The following NALF1 variants were observed in gnomAD, a reference collection of about 807,000 sequenced individuals.
NALF1 encodes the protein family with sequence similarity 155 member A.
NALF1 carries 3 observed loss-of-function variants against 48.4 expected under a neutral mutation model. The ratio of observed to expected loss-of-function variants is 0.06; its 90% CI spans 0.03 to 0.16. NALF1 has a LOEUF of 0.16. Among genes scored for constraint, NALF1 ranks in the 10% least tolerant of loss-of-function variants. The pLI, the probability that NALF1 is intolerant of heterozygous loss-of-function variation, is 1.00. For synonymous variants in NALF1, 262 were observed against 245.7 expected (o/e 1.07, Z -0.62); for missense variants, 526 against 571.5 (o/e 0.92, Z 0.81).
chr13:107,176,670 C>T (rs1002776920), intron 2 of NALF1, among the ~76,000 whole-genome samples: 2 of 151,530 alleles, frequency 1.3e-5, no homozygotes, highest in African/African-American at 2.4e-5. Flanking sequence ...AATAATAATA[C>T]GCATAAATTG....
chr13:107,354,309 T>G (rs917579199), intron 1 of NALF1, among the ~76,000 whole-genome samples: 1 of 151,914 alleles, frequency 6.6e-6, no homozygotes, highest in Non-Finnish European at 1.5e-5. Flanking sequence ...AGAGGTGGTA[T>G]TGGGGACCCT....
At position 107,763,280 on chromosome 13, in the gene NALF1, C is replaced by T. The variant is rs1877317941; in HGVS notation, c.915+102402G>A. On this transcript the variant is annotated intron_variant, in intron 1 of 2. Coordinates refer to ENST00000375915, the MANE Select transcript of NALF1 (RefSeq NM_001080396.3). ...CCCCAAGAATTAGTCACCAATCAAA[C>T]TTTAATGGGTAAAAATAGCGACTCC... 2.0e-5 allele frequency among the ~76,000 whole-genome samples: 3 copies of T among 151,292 alleles called. No homozygotes were observed. The South Asian group carries it at 6.5e-4, about 33-fold the overall frequency.
At chr13:107,616,065 C>G (rs1471340922) in intron 1 of NALF1, among the ~76,000 whole-genome samples, 5 of 152,058 alleles carry the variant, frequency 3.3e-5, no homozygotes, top group African/African-American at 1.2e-4. Context: ...ATAAATGACA[C>G]CACCTCTCTT....
At chr13:107,247,711 G>C (rs1484500338) in intron 1 of NALF1, among the ~76,000 whole-genome samples, 1 of 152,172 alleles carries the variant, frequency 6.6e-6, no homozygotes, top group Non-Finnish European at 1.5e-5. Flanking sequence ...GTAGCAAACA[G>C]AAAGTAATGA....
chr13:107,814,726 A>G (rs1385889319), intron 1 of NALF1, among the ~76,000 whole-genome samples: 1 of 152,198 alleles, frequency 6.6e-6, no homozygotes, highest in Non-Finnish European at 1.5e-5. Context: ...TAATTCAAAA[A>G]CAATAATTGG....
chr13:107,348,721 T>C (rs1469054017), intron 1 of NALF1, among the ~76,000 whole-genome samples: 1 of 152,208 alleles, frequency 6.6e-6, no homozygotes, highest in Non-Finnish European at 1.5e-5. Context: ...TCTCATTTAG[T>C]GACAAGTCAT....
chr13:107,693,685 C>A (rs1030793650), intron 1 of NALF1, among the ~76,000 whole-genome samples: 1 of 149,934 alleles, frequency 6.7e-6, no homozygotes, highest in African/African-American at 2.5e-5. Flanking sequence ...TTAGTACTTT[C>A]TACTATATCG....
chr13:107,492,010 T>A (rs1414697917), intron 1 of NALF1, among the ~76,000 whole-genome samples: 1 of 151,384 alleles, frequency 6.6e-6, no homozygotes, highest in Non-Finnish European at 1.5e-5. Flanking sequence ...TACACGTGTT[T>A]CATTTTTACA....
intron 1 of NALF1, among the ~76,000 whole-genome samples, chr13:107,773,499 G>T (rs1877636896): frequency 6.6e-6 from 1 of 151,970 alleles, no homozygotes; most frequent in Non-Finnish European, 1.5e-5. Flanking sequence ...TTCAAGGACT[G>T]ATTTCTTATT....
chr13:107,713,283 C>T (rs1457438254), intron 1 of NALF1, among the ~76,000 whole-genome samples: 2 of 152,168 alleles, frequency 1.3e-5, no homozygotes, highest in Admixed American at 1.3e-4. Flanking sequence ...TTTAGTCTTT[C>T]AGAACACAAT....
At chr13:107,554,541 C>T (rs1480817966) in intron 1 of NALF1, among the ~76,000 whole-genome samples, 1 of 152,152 alleles carries the variant, frequency 6.6e-6, no homozygotes, top group Non-Finnish European at 1.5e-5. Flanking sequence ...ACCCAGGGAG[C>T]CTTCCCCTTA....
At chr13:107,516,854 T>C (rs1229372588) in intron 1 of NALF1, among the ~76,000 whole-genome samples, 2 of 152,216 alleles carry the variant, frequency 1.3e-5, no homozygotes, top group African/African-American at 2.4e-5. Flanking sequence ...GGTTTGTCAA[T>C]TTGCAAAAGT....
chr13:107,649,528 A>G (rs988965905), intron 1 of NALF1, among the ~76,000 whole-genome samples: 3 of 152,296 alleles, frequency 2.0e-5, no homozygotes, highest in South Asian at 2.1e-4. Context: ...CCTGGGTTGT[A>G]GAGTTAATTA....
At chr13:107,662,248 G>C (rs181498624) in intron 1 of NALF1, among the ~76,000 whole-genome samples, 5 of 152,166 alleles carry the variant, frequency 3.3e-5, no homozygotes, top group African/African-American at 1.2e-4. Flanking sequence ...TGTGCTAGAG[G>C]TCCCGGGGTC....
intron 1 of NALF1, among the ~76,000 whole-genome samples, chr13:107,593,266 T>C (rs1878649155): frequency 6.6e-6 from 1 of 151,940 alleles, no homozygotes; most frequent in African/African-American, 2.4e-5. Flanking sequence ...TGCATATAAG[T>C]CAACTTCTAA....
rs1170442694 is a variant in NALF1 at position 107,644,638 on chromosome 13, C to CATATATATATATAT, written c.915+221043_915+221044insATATATATATATAT. Among the ~76,000 whole-genome samples, 42 of 43,364 alleles carry CATATATATATATAT rather than the reference C, an allele frequency of 9.7e-4. No individual in the cohort carries two copies. In the East Asian group the frequency reaches 0.017, roughly 17 times the overall value. The allele number at this position is 43,364 out of a possible 152,430, so 28.4% of individuals were successfully genotyped here. ...GAGTGTGTGTGTGTATACATACATA[C>CATATATATATATAT]ATACATACATATATATATATATATA... On this transcript the variant is annotated intron_variant, in intron 1 of 2. Coordinates refer to ENST00000375915, the MANE Select transcript of NALF1 (RefSeq NM_001080396.3).
intron 1 of NALF1, among the ~76,000 whole-genome samples, chr13:107,328,850 A>G (rs1882415215): frequency 6.6e-6 from 1 of 152,216 alleles, no homozygotes; most frequent in Non-Finnish European, 1.5e-5. Flanking sequence ...CCTTTTGCAG[A>G]ATCTTGAACC....
chr13:107,485,395 G>A (rs187750542), intron 1 of NALF1, among the ~76,000 whole-genome samples: 28 of 152,204 alleles, frequency 1.8e-4, no homozygotes, highest in Admixed American at 1.8e-3. Context: ...TCAGACTTAT[G>A]CAATGACATC....
At chr13:107,767,611 A>G (rs1877451119) in intron 1 of NALF1, among the ~76,000 whole-genome samples, 1 of 152,184 alleles carries the variant, frequency 6.6e-6, no homozygotes, top group Non-Finnish European at 1.5e-5. Context: ...CAAATGTATC[A>G]TGTGCTTTCA....
Sources: gnomAD v4.1 joint callset for allele counts (sites outside exome capture counted in the v4.1 genomes callset) on GRCh38, gnomAD v4.1.1 for gene constraint, MANE v1.5 for transcripts, NCBI Gene and HGNC (gene_info 2026-07-23, HGNC 2026-07-21) for gene names.